COL23A1: variants seen among roughly 807,000 people sequenced by gnomAD.
COL23A1 encodes the protein collagen alpha-1(XXIII) chain.
Under a neutral mutation model 99.3 loss-of-function variants are expected in COL23A1, and 97 were observed. That is an observed-to-expected ratio of 0.98 (90% CI 0.83 to 1.16). The LOEUF is 1.16. COL23A1 is among the 50% of genes most tolerant of loss of function. COL23A1 has a pLI of 0.00. For synonymous variants in COL23A1, 320 were observed against 308.2 expected (o/e 1.04, Z -0.40); for missense variants, 762 against 757.4 (o/e 1.01, Z -0.07).
chr5:178,238,400 A>G lies in COL23A1; in HGVS notation c.*298T>C, dbSNP rs1764221457. 2.2e-6 allele frequency: 1 copy of G among 450,612 alleles called. No individual in the cohort carries two copies. The highest frequency in any genetic ancestry group is 4.0e-6 in the Non-Finnish European group (1 of 248,472). The allele number at this position is 450,612 out of a possible 1,614,324, so 27.9% of individuals were successfully genotyped here. A position where few individuals can be genotyped will look rare whatever the true frequency, so the allele number is the denominator to read the frequency against. The stretch of plus-strand genomic sequence containing the variant: ...GTCTCTCTGCTGATCAGGTGACTGA[A>G]GGCCCAACGTAGCATCTTTCTAGCC... On this transcript the variant is annotated 3_prime_UTR_variant, in exon 29 of 29. Transcript: ENST00000390654.
chr5:178,357,800 G>GTA (rs1761769286), intron 2 of COL23A1, among the ~76,000 whole-genome samples: 1 of 150,088 alleles, frequency 6.7e-6, no homozygotes, highest in African/African-American at 2.5e-5. Context: ...GTGTGTATGT[G>GTA]TGTGTGTATG....
intron 2 of COL23A1, among the ~76,000 whole-genome samples, chr5:178,536,337 T>C (rs921398614): frequency 1.3e-5 from 2 of 152,194 alleles, no homozygotes; most frequent in Non-Finnish European, 2.9e-5. Context: ...AAAGCCCCAG[T>C]GGGGCTTAGA....
chr5:178,270,484 G>A (rs368094332), intron 5 of COL23A1, 121 bp from the exon 6 acceptor site: 77 of 1,212,398 alleles, frequency 6.4e-5, no homozygotes, highest in East Asian at 3.5e-4. Context: ...CCCGCGTCTG[G>A]GTTCAGTCCA....
intron 2 of COL23A1, among the ~76,000 whole-genome samples, chr5:178,362,465 CT>C (rs113085001): frequency 1.3e-5 from 2 of 151,894 alleles, no homozygotes; most frequent in African/African-American, 2.4e-5. Context: ...GCCACTCTCT[CT>C]TTTTTTTGCC....
At chr5:178,418,631 C>T (rs1765435858) in intron 2 of COL23A1, among the ~76,000 whole-genome samples, 1 of 152,268 alleles carries the variant, frequency 6.6e-6, no homozygotes, top group Admixed American at 6.5e-5. Flanking sequence ...CACCAGCCTC[C>T]CAGCCCCACA....
intron 2 of COL23A1, among the ~76,000 whole-genome samples, chr5:178,533,303 G>C (rs1371300157): frequency 6.6e-6 from 1 of 152,168 alleles, no homozygotes; most frequent in East Asian, 1.9e-4. Flanking sequence ...TCCGTTGCTA[G>C]AACGTTTTCA....
chr5:178,359,748 C>G (rs1482219199), intron 2 of COL23A1, among the ~76,000 whole-genome samples: 1 of 152,246 alleles, frequency 6.6e-6, no homozygotes, highest in African/African-American at 2.4e-5. Flanking sequence ...AAAGCCCAAG[C>G]TGGGAGGGGG....
chr5:178,483,960 A>G (rs994013364), intron 2 of COL23A1, among the ~76,000 whole-genome samples: 2 of 152,034 alleles, frequency 1.3e-5, no homozygotes, highest in African/African-American at 4.8e-5. Flanking sequence ...TCTTTGAGGC[A>G]GAGTTTCACT....
At chr5:178,305,824 G>A (rs1758321626) in intron 3 of COL23A1, among the ~76,000 whole-genome samples, 1 of 152,134 alleles carries the variant, frequency 6.6e-6, no homozygotes, top group African/African-American at 2.4e-5. Context: ...TCCGAGACAT[G>A]GAGAAGGAGG....
chr5:178,526,664 C>T (rs1321271627), intron 2 of COL23A1, among the ~76,000 whole-genome samples: 2 of 152,038 alleles, frequency 1.3e-5, no homozygotes, highest in Non-Finnish European at 1.5e-5. Flanking sequence ...GAGGGGCTAG[C>T]GAGTCTACAA....
At position 178,340,708 on chromosome 5, in the gene COL23A1, G is replaced by A. The variant is rs894468866; in HGVS notation, c.362-33789C>T. Among the ~76,000 whole-genome samples the A allele has an allele frequency of 6.6e-6, 1 of 152,198 alleles. No individual in the cohort carries two copies. The highest frequency in any genetic ancestry group is 2.4e-5 in the African/African-American group (1 of 41,458). On this transcript the variant is annotated intron_variant, in intron 2 of 28. Transcript: ENST00000390654. The surrounding 1 kb of genome is among the most constrained non-coding windows in gnomAD (Gnocchi z 4.7). Reference sequence around the variant, plus strand: ...CTGGACACCGGGGATTCTAGTCCTCGGCCCTCCCAGGGGCAGTGAGGGAGT... The same window carrying A: ...CTGGACACCGGGGATTCTAGTCCTCAGCCCTCCCAGGGGCAGTGAGGGAGT...
chr5:178,354,437 C>T (rs1358881400), intron 2 of COL23A1, among the ~76,000 whole-genome samples: 1 of 152,104 alleles, frequency 6.6e-6, no homozygotes, highest in Admixed American at 6.5e-5. Flanking sequence ...TCTGTGTCCC[C>T]ACTCAAGTCT....
intron 2 of COL23A1, among the ~76,000 whole-genome samples, chr5:178,548,073 C>CCA (rs1486496068): frequency 1.1e-5 from 1 of 88,108 alleles, no homozygotes; most frequent in Non-Finnish European, 2.4e-5. Flanking sequence ...CCCCTCACCC[C>CCA]CACACACACA....
intron 2 of COL23A1, among the ~76,000 whole-genome samples, chr5:178,399,642 C>T (rs1048038891): frequency 6.6e-6 from 1 of 152,202 alleles, no homozygotes; most frequent in Admixed American, 6.5e-5. Context: ...AACAATCCTA[C>T]TCAAGGGTTG....
chr5:178,554,643 C>T (rs1410543766), intron 2 of COL23A1, among the ~76,000 whole-genome samples: 1 of 152,102 alleles, frequency 6.6e-6, no homozygotes, highest in Non-Finnish European at 1.5e-5. Flanking sequence ...CATGAAGGAA[C>T]CACCCTCCCC....
chr5:178,275,980 C>T (rs1433094415), intron 5 of COL23A1, among the ~76,000 whole-genome samples: 2 of 152,214 alleles, frequency 1.3e-5, no homozygotes, highest in Non-Finnish European at 2.9e-5. Context: ...TCTTTCTCTG[C>T]AGCAAACCCT....
intron 2 of COL23A1, among the ~76,000 whole-genome samples, chr5:178,404,221 C>T (rs1322811055): frequency 6.6e-6 from 1 of 152,204 alleles, no homozygotes; most frequent in Non-Finnish European, 1.5e-5. Flanking sequence ...GGTACCATGC[C>T]CATCACAAGG....
intron 2 of COL23A1, chr5:178,440,080 T>C (rs1032445907): frequency 6.6e-6 from 1 of 152,156 alleles, no homozygotes; most frequent in Non-Finnish European, 1.5e-5. Flanking sequence ...GTTCTAAAAC[T>C]GGATGGTGGT....
chr5:178,246,248 G>T lies in COL23A1; in HGVS notation c.1413+6C>A. The T allele has an allele frequency of 6.4e-7, 1 of 1,553,340 alleles. No individual in the cohort carries two copies. Among genetic ancestry groups the T allele is most frequent in the Non-Finnish European group, 8.7e-7 (1 of 1,147,708 alleles). On this transcript the variant is annotated splice_donor_region_variant and intron_variant, in intron 24 of 28. Coordinates refer to ENST00000390654, the MANE Select transcript of COL23A1 (RefSeq NM_173465.4). ...TTGGAGAGGGAGTTCCGAATGAGGC[G>T]GTTACCTTCTCTCCTTTGGTTCCTG...
Sources: allele counts gnomAD v4.1 joint callset (sites outside exome capture counted in the v4.1 genomes callset), GRCh38; gene constraint gnomAD v4.1.1; non-coding constraint Gnocchi (gnomAD v3.1); transcripts MANE v1.5; gene names NCBI Gene and HGNC (gene_info 2026-07-23, HGNC 2026-07-21).